Variants in ZNF506 observed in about 807,000 individuals in gnomAD.
The protein encoded by ZNF506 is zinc finger protein 506.
ZNF506 carries 10 observed loss-of-function variants against 11.6 expected under a neutral mutation model. The ratio of observed to expected loss-of-function variants is 0.86; its 90% CI spans 0.53 to 1.46. The LOEUF is 1.46. ZNF506 is among the 40% of genes most tolerant of loss of function. ZNF506 has a pLI of 0.00. For missense variants in ZNF506, 425 were observed against 521.2 expected (o/e 0.82, Z 1.80); for synonymous variants, 156 against 173.3 (o/e 0.90, Z 0.78).
intron 3 of ZNF506, among the ~76,000 whole-genome samples, chr19:19,800,579 G>C (rs984787647): frequency 2.6e-5 from 4 of 150,964 alleles, no homozygotes; most frequent in African/African-American, 9.7e-5. Context: ...ACCATACCTG[G>C]CTAATTTTTT....
chr19:19,799,466 CAA>C, intron 3 of ZNF506: 1 of 670,858 alleles, frequency 1.5e-6, no homozygotes, highest in Non-Finnish European at 2.7e-6. Context: ...AGGTCAAAAA[CAA>C]AGTCTTAACA....
chr19:19,818,652 C>T (rs1216110654), intron 1 of ZNF506, among the ~76,000 whole-genome samples: 2 of 152,134 alleles, frequency 1.3e-5, no homozygotes, highest in Non-Finnish European at 2.9e-5. Context: ...CTTTTATGTG[C>T]TTTGTAAATA....
chr19:19,805,176 T>A (rs931144028), intron 3 of ZNF506, among the ~76,000 whole-genome samples: 4 of 151,988 alleles, frequency 2.6e-5, no homozygotes, highest in Non-Finnish European at 4.4e-5. Flanking sequence ...TAAAAGTATA[T>A]CTATGGTTTC....
intron 3 of ZNF506, among the ~76,000 whole-genome samples, chr19:19,801,660 G>A (rs1417339720): frequency 2.0e-5 from 3 of 151,206 alleles, no homozygotes; most frequent in African/African-American, 2.4e-5. Context: ...CTGTGGTGGC[G>A]GGTGCTTGTA....
In ZNF506 at chr19:19,794,825, T is replaced by C; in HGVS notation, c.1062A>G (p.Ser354=). 6.2e-7 allele frequency: 1 copy of C among 1,613,834 alleles called. No homozygotes were observed. Among genetic ancestry groups the C allele is most frequent in the Non-Finnish European group, 8.5e-7 (1 of 1,179,954 alleles). Residue 354 remains serine (S), a synonymous_variant, in exon 4 of 4, where the codon TCA becomes TCG. Coordinates refer to ENST00000540806, the MANE Select transcript of ZNF506 (RefSeq NM_001099269.3). ...DECGKTFTWY[S]SLSKHKRAHT... ...GAGCTCTCTTATGTTTAGAGAGGCT[T>C]GAGTACCAGGTAAAGGTTTTGCCAC...
Position 19,794,620 on chromosome 19 carries a change from T to A in ZNF506, c.1267A>T (p.Lys423Ter). 1 of 1,612,450 alleles carries A rather than the reference T, an allele frequency of 6.2e-7. No homozygotes were observed. The highest frequency in any genetic ancestry group is 8.5e-7 in the Non-Finnish European group (1 of 1,179,524). Reference protein sequence around the residue: ...NKHKKIHIRQKPCIVKNVENL... With the variant: ...NKHKKIHIRQ ...TCCACATTCTTCACTATGCAGGGTT[T>A]CTGTCTAATATGAATTTTCTTATGT... Residue 423 changes from lysine (K) to a stop codon, truncating the protein, a stop_gained, in exon 4 of 4, where the codon AAA becomes TAA. Coordinates refer to ENST00000540806, the MANE Select transcript of ZNF506 (RefSeq NM_001099269.3). LOFTEE classifies it low-confidence loss of function (END_TRUNC).
chr19:19,818,952 C>A (rs894725571), intron 1 of ZNF506, among the ~76,000 whole-genome samples: 2 of 152,170 alleles, frequency 1.3e-5, no homozygotes, highest in African/African-American at 4.8e-5. Context: ...CGAGCCACTG[C>A]ATTCCAGCCT....
At chr19:19,807,499 T>C (rs1404298372) in intron 1 of ZNF506, among the ~76,000 whole-genome samples, 1 of 151,916 alleles carries the variant, frequency 6.6e-6, no homozygotes, top group Non-Finnish European at 1.5e-5. Flanking sequence ...TGAAATAAAG[T>C]CTTTCTTATT....
At chr19:19,815,693 G>A (rs1050962409) in intron 1 of ZNF506, among the ~76,000 whole-genome samples, 9 of 152,202 alleles carry the variant, frequency 5.9e-5, no homozygotes, top group Non-Finnish European at 1.0e-4. Flanking sequence ...CGTAGACCCT[G>A]ATTCAGGGCT....
At chr19:19,805,524 AC>A (rs1315973111) in intron 3 of ZNF506, among the ~76,000 whole-genome samples, 3 of 152,218 alleles carry the variant, frequency 2.0e-5, no homozygotes, top group African/African-American at 7.2e-5. Flanking sequence ...AGGAAAAAGA[AC>A]AAAGCAGAAG....
At chr19:19,802,176 G>A (rs957595707) in intron 3 of ZNF506, among the ~76,000 whole-genome samples, 2 of 145,726 alleles carry the variant, frequency 1.4e-5, no homozygotes, top group African/African-American at 2.6e-5. Flanking sequence ...CTGCACTCCA[G>A]TCTGGGTGAC....
At chr19:19,806,709 C>G (rs2062838249) in intron 2 of ZNF506, among the ~76,000 whole-genome samples, 1 of 152,010 alleles carries the variant, frequency 6.6e-6, no homozygotes, top group Non-Finnish European at 1.5e-5. Flanking sequence ...TTGGAATTAC[C>G]ACTAATTTGG....
chr19:19,821,710 T>G lies in ZNF506; in HGVS notation c.-107A>C, dbSNP rs887463502. 1 of 1,412,046 alleles carries G rather than the reference T, an allele frequency of 7.1e-7. No individual in the cohort carries two copies. Among genetic ancestry groups the G allele is most frequent in the Non-Finnish European group, 1.0e-6 (1 of 999,166 alleles). The allele number at this position is 1,412,046 out of a possible 1,614,324, so 87.5% of individuals were successfully genotyped here. Reference sequence around the variant, plus strand: ...TCTAGGAGCTGACGGCACAGAGCAGTGAAGACGATAGCTGGATCTCTGGCG... The same window carrying G: ...TCTAGGAGCTGACGGCACAGAGCAGGGAAGACGATAGCTGGATCTCTGGCG... On this transcript the variant is annotated 5_prime_UTR_variant, in exon 1 of 4. Transcript: ENST00000540806.
chr19:19,802,917 G>A (rs1276220515), intron 3 of ZNF506, among the ~76,000 whole-genome samples: 2 of 152,146 alleles, frequency 1.3e-5, no homozygotes, highest in Non-Finnish European at 2.9e-5. Flanking sequence ...CACCTGTAAT[G>A]ACAGCTTCAT....
chr19:19,794,486 G>T lies in ZNF506; in HGVS notation c.*66C>A. ...CCATATAAATTCTCATATTTAGTCA[G>T]AGTCCAGGGCTAGTTAAAGGCTTTC... On this transcript the variant is annotated 3_prime_UTR_variant, in exon 4 of 4. Transcript: ENST00000540806. The T allele has an allele frequency of 7.0e-7, 1 of 1,427,272 alleles. No homozygotes were observed. Among genetic ancestry groups the T allele is most frequent in the Non-Finnish European group, 9.5e-7 (1 of 1,053,636 alleles). The allele number at this position is 1,427,272 out of a possible 1,614,324, so 88.4% of individuals were successfully genotyped here.
chr19:19,804,627 T>C (rs988933149), intron 3 of ZNF506, among the ~76,000 whole-genome samples: 2 of 152,216 alleles, frequency 1.3e-5, no homozygotes, highest in African/African-American at 2.4e-5. Flanking sequence ...TAAAGACACA[T>C]GCACACGTAT....
At chr19:19,818,392 A>G (rs1265531291) in intron 1 of ZNF506, among the ~76,000 whole-genome samples, 1 of 152,196 alleles carries the variant, frequency 6.6e-6, no homozygotes, top group Non-Finnish European at 1.5e-5. Flanking sequence ...TATATAACTC[A>G]TCAATTATCT....
In ZNF506 at chr19:19,808,108, C is replaced by CTTTTTTTTTTTTTTTTT. The variant is rs757160026; in HGVS notation, c.4-1057_4-1041dup. Among the ~76,000 whole-genome samples the CTTTTTTTTTTTTTTTTT allele has an allele frequency of 3.0e-4, 17 of 56,772 alleles. 7 individuals are homozygous for CTTTTTTTTTTTTTTTTT. The highest frequency in any genetic ancestry group is 1.0e-3 in the African/African-American group (13 of 12,970). The allele number at this position is 56,772 out of a possible 152,430, so 37.2% of individuals were successfully genotyped here. A position where few individuals can be genotyped will look rare whatever the true frequency, so the allele number is the denominator to read the frequency against. ...ACTTAACCAAGTGAATCATTAACCA[C>CTTTTTTTTTTTTTTTTT]TTTTTTTTTTTTTTTTTTTTTTTTT... On this transcript the variant is annotated intron_variant, in intron 1 of 3. Transcript: ENST00000540806.
Position 19,794,583 on chromosome 19 carries a change from T to C in ZNF506, c.1304A>G (p.Asn435Ser), listed in dbSNP as rs1207923145. Residue 435 changes from asparagine (N) to serine (S), a missense_variant, in exon 4 of 4, where the codon AAT (asparagine) becomes AGT (serine). Coordinates refer to ENST00000540806, the MANE Select transcript of ZNF506 (RefSeq NM_001099269.3). ...TATGCTTATTAAGGGTTGAGGAACA[T>C]TTAAAAGATTTTCCACATTCTTCAC... ...CIVKNVENLL[N>S]VPQPLISIR The C allele has an allele frequency of 6.9e-6, 11 of 1,602,450 alleles. No homozygotes were observed. The highest frequency in any genetic ancestry group is 9.4e-6 in the Non-Finnish European group (11 of 1,175,622).
Sources: gnomAD v4.1 joint callset for allele counts (sites outside exome capture counted in the v4.1 genomes callset) on GRCh38, gnomAD v4.1.1 for gene constraint, MANE v1.5 for transcripts, NCBI Gene and HGNC (gene_info 2026-07-23, HGNC 2026-07-21) for gene names.